RIMKLB: variants seen among roughly 807,000 people sequenced by gnomAD.
The protein encoded by RIMKLB is ribosomal modification protein rimK like family member B.
A neutral mutation model predicts 32.0 loss-of-function variants in RIMKLB; 7 were observed. That is an observed-to-expected ratio of 0.22 (90% CI 0.12 to 0.41). The LOEUF is 0.41. Among genes scored for constraint, RIMKLB ranks in the 10% least tolerant of loss-of-function variants. The probability of loss-of-function intolerance (pLI) is 1.00; values close to 1 mark genes in which losing one functional copy is unlikely to be tolerated. For missense variants in RIMKLB, 289 were observed against 498.7 expected, an observed-to-expected ratio of 0.58 and a Z score of 4.00; for synonymous variants, 172 against 185.1, an observed-to-expected ratio of 0.93 and a Z score of 0.57.
intron 5 of RIMKLB, among the ~76,000 whole-genome samples, chr12:8,756,086 A>T (rs554678189): frequency 4.0e-5 from 6 of 151,482 alleles, no homozygotes; most frequent in Non-Finnish European, 8.8e-5. Flanking sequence ...ACCAGGAGAC[A>T]GAGGTTGCAG....
At chr12:8,720,940 A>G (rs879815268) in intron 2 of RIMKLB, among the ~76,000 whole-genome samples, 1 of 152,222 alleles carries the variant, frequency 6.6e-6, no homozygotes, top group Non-Finnish European at 1.5e-5. Flanking sequence ...CTCAGAGTCT[A>G]CTGGGACAGA....
At chr12:8,750,130 A>G in intron 3 of RIMKLB, 38 bp downstream of exon 3, 2 of 1,281,398 alleles carry the variant, frequency 1.6e-6, no homozygotes, top group Non-Finnish European at 2.3e-6. Context: ...CTGAATATTA[A>G]CCACTGATAG....
In RIMKLB at chr12:8,775,413, T is replaced by C. The variant is rs1165406854; in HGVS notation, c.*1629T>C. The stretch of plus-strand genomic sequence containing the variant: ...TAATCCCATTGATGGGTTTGGATGG[T>C]ATGTTAAGAAATGGAGATGCTGCAG... On this transcript the variant is annotated 3_prime_UTR_variant, in exon 6 of 6. Transcript: ENST00000535829. 1.0e-6 allele frequency: 1 copy of C among 985,436 alleles called. No individual in the cohort carries two copies. Among genetic ancestry groups the C allele is most frequent in the Admixed American group, 6.2e-5 (1 of 16,256 alleles). 61.0% of individuals were successfully genotyped at this position (985,436 alleles called of 1,614,324 possible).
At chr12:8,753,015 G>T (rs927994059) in intron 4 of RIMKLB, among the ~76,000 whole-genome samples, 1 of 152,134 alleles carries the variant, frequency 6.6e-6, no homozygotes, top group Non-Finnish European at 1.5e-5. Flanking sequence ...CCAAGTGTTG[G>T]TATTACAGGT....
chr12:8,728,763 TTGTGTG>T (rs375795748), intron 2 of RIMKLB, among the ~76,000 whole-genome samples: 9 of 149,596 alleles, frequency 6.0e-5, no homozygotes, highest in Middle Eastern at 3.4e-3. Context: ...GCTCTGCTAA[TTGTGTG>T]TGTGTGTGTG....
chr12:8,768,824 A>G (rs865961989), intron 5 of RIMKLB, among the ~76,000 whole-genome samples: 43 of 152,144 alleles, frequency 2.8e-4, no homozygotes, highest in Non-Finnish European at 1.8e-4. Context: ...TTTTTTGCCA[A>G]AGAGTTTTGT....
chr12:8,718,637 G>GTCTC (rs759765108), intron 2 of RIMKLB, among the ~76,000 whole-genome samples: 1,375 of 136,012 alleles, frequency 0.01, 8 homozygotes, highest in Admixed American at 0.015. Context: ...GCGAGACTCC[G>GTCTC]TCTCTCTCTC....
At chr12:8,686,214 TG>T (rs1440135231) in intron 1 of RIMKLB, among the ~76,000 whole-genome samples, 1 of 152,190 alleles carries the variant, frequency 6.6e-6, no homozygotes, top group South Asian at 2.1e-4. Context: ...CCTCCCATAG[TG>T]CTGGGATTAC....
intron 1 of RIMKLB, among the ~76,000 whole-genome samples, chr12:8,713,544 T>G (rs931791505): frequency 1.8e-4 from 28 of 152,330 alleles, no homozygotes; most frequent in African/African-American, 6.5e-4. Flanking sequence ...ATTTAAACTT[T>G]CTGCTAAGTG....
At chr12:8,777,703 T>G, downstream of RIMKLB, 1 of 1,283,644 alleles carries the variant, frequency 7.8e-7, no homozygotes, top group South Asian at 1.3e-5. Context: ...ACTTTCGGGG[T>G]CAGTGCCCTT....
At chr12:8,757,593 T>G (rs1241123312) in intron 5 of RIMKLB, among the ~76,000 whole-genome samples, 1 of 152,204 alleles carries the variant, frequency 6.6e-6, no homozygotes, top group South Asian at 2.1e-4. Context: ...CTGTTTACTC[T>G]CTCTGATCAT....
At chr12:8,766,102 A>G (rs1014040285) in intron 5 of RIMKLB, among the ~76,000 whole-genome samples, 2 of 151,898 alleles carry the variant, frequency 1.3e-5, no homozygotes, top group Admixed American at 6.6e-5. Context: ...CTTGGGGGGA[A>G]TGTTTCCCAT....
At chr12:8,692,521 G>A (rs1447885194), upstream of RIMKLB, among the ~76,000 whole-genome samples, 2 of 151,204 alleles carry the variant, frequency 1.3e-5, no homozygotes, top group African/African-American at 4.9e-5. Flanking sequence ...TGTGGTAGAG[G>A]AAAAAAAAAT....
chr12:8,775,820 A>C lies in RIMKLB; in HGVS notation c.*2036A>C. ...AAAGGATACATAAGAGGAGTTTGTAATTTATCTTAGGATATTCTAATTGCA... is the reference window on the plus strand; with the variant it reads ...AAAGGATACATAAGAGGAGTTTGTACTTTATCTTAGGATATTCTAATTGCA... On this transcript the variant is annotated 3_prime_UTR_variant, in exon 6 of 6. Coordinates refer to ENST00000535829, the MANE Select transcript of RIMKLB (RefSeq NM_001297776.2). 11 of 985,160 alleles carry C rather than the reference A, an allele frequency of 1.1e-5. No individual in the cohort carries two copies. The highest frequency in any genetic ancestry group is 1.3e-5 in the Non-Finnish European group (11 of 829,554). 61.0% of individuals were successfully genotyped at this position (985,160 alleles called of 1,614,324 possible).
chr12:8,716,880 G>A (rs1357098514), intron 2 of RIMKLB, among the ~76,000 whole-genome samples: 1 of 150,612 alleles, frequency 6.6e-6, no homozygotes, highest in Non-Finnish European at 1.5e-5. Flanking sequence ...TCAAAATTGT[G>A]TTTTCCTCTC....
intron 5 of RIMKLB, among the ~76,000 whole-genome samples, chr12:8,767,815 T>A (rs1950095207): frequency 6.6e-6 from 1 of 152,182 alleles, no homozygotes; most frequent in African/African-American, 2.4e-5. Flanking sequence ...ACCTGAGTCT[T>A]AAGTCTGGCG....
At chr12:8,779,918 G>A (rs1388449666), downstream of RIMKLB, 3 of 152,092 alleles carry the variant, frequency 2.0e-5, no homozygotes, top group East Asian at 3.9e-4. Flanking sequence ...ACAGTTTGAG[G>A]AAATGTGCAT....
At chr12:8,768,159 G>A (rs757729080) in intron 5 of RIMKLB, among the ~76,000 whole-genome samples, 6 of 152,300 alleles carry the variant, frequency 3.9e-5, no homozygotes, top group African/African-American at 9.6e-5. Context: ...GGAACCCAGC[G>A]ACTACTGTTC....
At chr12:8,764,007 G>A (rs1949742500) in intron 5 of RIMKLB, among the ~76,000 whole-genome samples, 1 of 152,186 alleles carries the variant, frequency 6.6e-6, no homozygotes, top group African/African-American at 2.4e-5. Flanking sequence ...ATAAGGGTTA[G>A]GTATAGCTGG....
Sources: gnomAD v4.1 joint callset for allele counts (sites outside exome capture counted in the v4.1 genomes callset) on GRCh38, gnomAD v4.1.1 for gene constraint, MANE v1.5 for transcripts, NCBI Gene and HGNC (gene_info 2026-07-23, HGNC 2026-07-21) for gene names.